The following PIP5K1C variants were observed in gnomAD, a reference collection of about 807,000 sequenced individuals.
PIP5K1C encodes the protein phosphatidylinositol 4-phosphate 5-kinase type-1 gamma.
PIP5K1C carries 45 observed loss-of-function variants against 80.1 expected under a neutral mutation model. The ratio of observed to expected loss-of-function variants is 0.56; its 90% CI spans 0.44 to 0.72. PIP5K1C has a LOEUF of 0.72. Among genes scored for constraint, PIP5K1C ranks in the 30% least tolerant of loss-of-function variants. The probability of loss-of-function intolerance (pLI) is 0.00; values close to 1 mark genes in which losing one functional copy is unlikely to be tolerated. For missense variants in PIP5K1C, 753 were observed against 954.6 expected (o/e 0.79, Z 2.78); for synonymous variants, 498 against 420.1 (o/e 1.19, Z -2.27).
intron 1 of PIP5K1C, among the ~76,000 whole-genome samples, chr19:3,668,777 AG>A (rs796512677): frequency 1.2e-4 from 18 of 152,014 alleles, no homozygotes; most frequent in African/African-American, 4.3e-4. Context: ...CGGATCAGCA[AG>A]GGGGGGCTTC....
chr19:3,640,219 G>C (rs1180832083), intron 15 of PIP5K1C, among the ~76,000 whole-genome samples: 1 of 152,186 alleles, frequency 6.6e-6, no homozygotes, highest in African/African-American at 2.4e-5. Flanking sequence ...TGACAGAAAA[G>C]TAAAAACATA....
In PIP5K1C at chr19:3,632,970, G is replaced by A. The variant is rs1455627652; in HGVS notation, c.*197C>T. Reference sequence around the variant, plus strand: ...GTGGGTCTCACAGGGGCAGGCTGCCGACCGGGGTGCCGGGGCCCTGGGAGG... The same window carrying A: ...GTGGGTCTCACAGGGGCAGGCTGCCAACCGGGGTGCCGGGGCCCTGGGAGG... On this transcript the variant is annotated 3_prime_UTR_variant, in exon 18 of 18. Transcript: ENST00000335312. 1.1e-5 allele frequency: 6 copies of A among 529,788 alleles called. No homozygotes were observed. Among genetic ancestry groups the A allele is most frequent in the Admixed American group, 6.7e-5 (2 of 29,796 alleles). 32.8% of individuals were successfully genotyped at this position (529,788 alleles called of 1,614,324 possible).
At chr19:3,661,141 C>A in intron 4 of PIP5K1C, 58 bp from the exon 5 acceptor site, 1 of 1,177,968 alleles carries the variant, frequency 8.5e-7, no homozygotes, top group South Asian at 1.2e-5. Context: ...CTCCCCCACC[C>A]CCGCCATGGT....
rs184309975 is a variant in PIP5K1C at position 3,648,474 on chromosome 19, G to A, written c.1211+151C>T. 3.3e-4 allele frequency: 254 copies of A among 773,406 alleles called. No individual in the cohort carries two copies. The highest frequency in any genetic ancestry group is 4.8e-4 in the South Asian group (33 of 69,076). 47.9% of individuals were successfully genotyped at this position (773,406 alleles called of 1,614,324 possible). On this transcript the variant is annotated intron_variant, in intron 9 of 17. Coordinates refer to ENST00000335312, the MANE Select transcript of PIP5K1C (RefSeq NM_012398.3). This position sits in a 1 kb window ranked among gnomAD's most constrained non-coding sequence, Gnocchi z 4.3. ...CTCTGTGCATGGGTGTCCTGGGGGC[G>A]CCCATCCACCTGTGGGACTGCAGAC...
At chr19:3,651,295 A>G (rs2034439999) in intron 8 of PIP5K1C, among the ~76,000 whole-genome samples, 1 of 152,030 alleles carries the variant, frequency 6.6e-6, no homozygotes, top group Admixed American at 6.5e-5. Flanking sequence ...GGCTGAGGCA[A>G]TCCTCCCACC....
Position 3,648,282 on chromosome 19 carries a change from C to CA in PIP5K1C, c.1211+342dup, listed in dbSNP as rs1380291659. Among the ~76,000 whole-genome samples, 4 of 152,224 alleles carry CA rather than the reference C, an allele frequency of 2.6e-5. No individual in the cohort carries two copies. Among genetic ancestry groups the CA allele is most frequent in the African/African-American group, 9.6e-5 (4 of 41,462 alleles). On this transcript the variant is annotated intron_variant, in intron 9 of 17. Transcript: ENST00000335312. This position sits in a 1 kb window ranked among gnomAD's most constrained non-coding sequence, Gnocchi z 4.3. The stretch of plus-strand genomic sequence containing the variant: ...AAGCAATCCTCCCGCCTCGGCCTCC[C>CA]ACAGTGCTAGATTACAGGTGTGGAC...
At chr19:3,653,014 G>C (rs1328990478) in intron 7 of PIP5K1C, among the ~76,000 whole-genome samples, 3 of 152,230 alleles carry the variant, frequency 2.0e-5, no homozygotes, top group Non-Finnish European at 4.4e-5. Context: ...TCACAATGTT[G>C]CCCCTGCTGG....
At chr19:3,678,581 GGGATAAAGGGAT>G (rs2035483363) in intron 1 of PIP5K1C, among the ~76,000 whole-genome samples, 1 of 86,010 alleles carries the variant, frequency 1.2e-5, no homozygotes, top group Non-Finnish European at 2.4e-5. Flanking sequence ...GAGGGATGGA[GGGATAAAGGGAT>G]GGAGGGATGG....
Position 3,700,415 on chromosome 19 carries a change from G to T in PIP5K1C, c.-25C>A, listed in dbSNP as rs1484146955. On this transcript the variant is annotated 5_prime_UTR_variant, in exon 1 of 18. Coordinates refer to ENST00000335312, the MANE Select transcript of PIP5K1C (RefSeq NM_012398.3). ...TGGCCGCGCGCGGACGGCGGCGGGG[G>T]CGCCCGAGGGGGACCCGAGCTGCGA... 4 of 1,076,460 alleles carry T rather than the reference G, an allele frequency of 3.7e-6. No homozygotes were observed. The highest frequency in any genetic ancestry group is 3.4e-6 in the Non-Finnish European group (3 of 888,202). 66.7% of individuals were successfully genotyped at this position (1,076,460 alleles called of 1,614,324 possible).
intron 16 of PIP5K1C, among the ~76,000 whole-genome samples, chr19:3,635,687 AAAAC>A (rs891791977): frequency 2.0e-5 from 3 of 151,256 alleles, no homozygotes; most frequent in African/African-American, 7.3e-5. Flanking sequence ...CATCTCAAAA[AAAAC>A]AAACAAGGCT....
chr19:3,671,156 G>A (rs1314442656), intron 1 of PIP5K1C, among the ~76,000 whole-genome samples: 15 of 152,204 alleles, frequency 9.9e-5, no homozygotes, highest in Admixed American at 8.5e-4. Context: ...GCCTGTCTGG[G>A]GCCTCCCTGC....
At position 3,676,231 on chromosome 19, in the gene PIP5K1C, A is replaced by G. The variant is rs539841062; in HGVS notation, c.95-8878T>C. Among the ~76,000 whole-genome samples, 76 of 152,250 alleles carry G rather than the reference A, an allele frequency of 5.0e-4. 2 individuals are homozygous for G. The South Asian group carries it at 1.0e-2, about 20-fold the overall frequency. ...TTTGGGGACAGGCAGCACCCGACTG[A>G]TGGTCCCCACCGGGAAGTGATGAGA... is the stretch of plus-strand genomic sequence containing the variant. On this transcript the variant is annotated intron_variant, in intron 1 of 17. Transcript: ENST00000335312.
chr19:3,662,135 TC>T, intron 3 of PIP5K1C, 134 bp from the exon 4 acceptor site: 1 of 1,118,712 alleles, frequency 8.9e-7, no homozygotes, highest in Non-Finnish European at 1.3e-6. Flanking sequence ...CTCCTGGTGG[TC>T]CCCGGGGCTG....
intron 1 of PIP5K1C, among the ~76,000 whole-genome samples, chr19:3,695,655 T>C (rs2036079890): frequency 6.6e-6 from 1 of 151,618 alleles, no homozygotes; most frequent in Admixed American, 6.6e-5. Context: ...TGGGGAACTT[T>C]CCGTCCCCAG....
In PIP5K1C at chr19:3,652,031, C is replaced by T; in HGVS notation, c.922G>A (p.Val308Ile). Residue 308 changes from valine (V) to isoleucine (I), a missense_variant and splice_region_variant, in exon 8 of 18, where the codon GTC becomes ATC. By Grantham distance (29) the Val-to-Ile change is conservative. Around this residue, in one of 6 missense-constraint regions of PIP5K1C, gnomAD observed 105 missense variants for 133.4 expected, o/e 0.79. Coordinates refer to ENST00000335312, the MANE Select transcript of PIP5K1C (RefSeq NM_012398.3). Reference sequence around the variant, plus strand: ...TCCATGATCTTGAAACTTTCCAGGACCTGGCGGGATCGGGCAGGAACACGC... The same window carrying T: ...TCCATGATCTTGAAACTTTCCAGGATCTGGCGGGATCGGGCAGGAACACGC... ...LVKTLQRDCL[V>I]LESFKIMDYS... 1 of 1,613,092 alleles carries T rather than the reference C, an allele frequency of 6.2e-7. No individual in the cohort carries two copies. The highest frequency in any genetic ancestry group is 8.5e-7 in the Non-Finnish European group (1 of 1,179,944).
chr19:3,675,841 G>A (rs1006247774), intron 1 of PIP5K1C, among the ~76,000 whole-genome samples: 4 of 152,212 alleles, frequency 2.6e-5, no homozygotes, highest in African/African-American at 9.7e-5. Flanking sequence ...CCATGCCAGG[G>A]GCACCCCCCA....
rs757081198 is a variant in PIP5K1C at position 3,631,647 on chromosome 19, G to A, written c.*1520C>T. 6.6e-6 allele frequency: 1 copy of A among 152,264 alleles called. No individual in the cohort carries two copies. Among genetic ancestry groups the A allele is most frequent in the African/African-American group, 2.4e-5 (1 of 41,448 alleles). The allele number at this position is 152,264 out of a possible 1,614,324, so 9.4% of individuals were successfully genotyped here. On this transcript the variant is annotated 3_prime_UTR_variant, in exon 18 of 18. Transcript: ENST00000335312. ...CTGCTCTCGTGGAGTGTGTGTCCTC[G>A]CTGGGGACCTCGGGGATGGGTCCGG...
At chr19:3,638,044 A>G (rs1459445168) in intron 16 of PIP5K1C, 1 of 1,471,644 alleles carries the variant, frequency 6.8e-7, no homozygotes, top group Non-Finnish European at 9.0e-7. Context: ...TGAAGCAGCG[A>G]GGAGGTGCCC....
At chr19:3,683,938 G>A (rs1219419517) in intron 1 of PIP5K1C, among the ~76,000 whole-genome samples, 22 of 32,778 alleles carry the variant, frequency 6.7e-4, no homozygotes, top group African/African-American at 2.6e-3. Flanking sequence ...CCCCCCCCAC[G>A]CTGGAGCCCC....
Sources: allele counts gnomAD v4.1 joint callset (sites outside exome capture counted in the v4.1 genomes callset), GRCh38; gene constraint gnomAD v4.1.1; regional missense constraint gnomAD v4.1.1; non-coding constraint Gnocchi (gnomAD v3.1); transcripts MANE v1.5; gene names NCBI Gene and HGNC (gene_info 2026-07-23, HGNC 2026-07-21).